NCKAP5: variants seen among roughly 807,000 people sequenced by gnomAD.
NCKAP5 encodes the protein NCK associated protein 5.
A neutral mutation model predicts 167.0 loss-of-function variants in NCKAP5; 92 were observed. The observed-to-expected ratio is 0.55, with a 90% CI of 0.47 to 0.66. The LOEUF (loss-of-function observed/expected upper bound fraction) is 0.66. Among genes scored for constraint, NCKAP5 ranks in the 30% least tolerant of loss-of-function variants. NCKAP5 has a pLI of 0.00. For synonymous variants in NCKAP5, 891 were observed against 877.4 expected, an observed-to-expected ratio of 1.02 and a Z score of -0.27; for missense variants, 2,378 against 2,315.0, an observed-to-expected ratio of 1.03 and a Z score of -0.56.
intron 3 of NCKAP5, among the ~76,000 whole-genome samples, chr2:133,457,299 G>C (rs2151218236): frequency 6.6e-6 from 1 of 152,194 alleles, no homozygotes; most frequent in African/African-American, 2.4e-5. Context: ...TTAAGATAAT[G>C]GCTTCCAGTG....
intron 3 of NCKAP5, among the ~76,000 whole-genome samples, chr2:133,478,178 G>T (rs760291064): frequency 1.3e-5 from 2 of 152,120 alleles, no homozygotes; most frequent in Non-Finnish European, 2.9e-5. Context: ...TTTAGATATT[G>T]TTCTCTATCA....
chr2:133,014,884 T>C (rs1383920486), intron 6 of NCKAP5, among the ~76,000 whole-genome samples: 4 of 152,210 alleles, frequency 2.6e-5, no homozygotes, highest in African/African-American at 9.6e-5. Flanking sequence ...TCTAAATGGG[T>C]AAATACATAA....
At chr2:132,823,868 T>C (rs1305465228) in intron 11 of NCKAP5, among the ~76,000 whole-genome samples, 1 of 151,992 alleles carries the variant, frequency 6.6e-6, no homozygotes, top group Non-Finnish European at 1.5e-5. Context: ...AAAAATATAC[T>C]CCATGCAGAT....
At chr2:133,090,514 G>A (rs1487230579) in intron 6 of NCKAP5, among the ~76,000 whole-genome samples, 1 of 152,040 alleles carries the variant, frequency 6.6e-6, no homozygotes, top group Non-Finnish European at 1.5e-5. Context: ...GAAGCTAAAA[G>A]AGGCAAAGAA....
intron 4 of NCKAP5, among the ~76,000 whole-genome samples, chr2:133,230,652 A>G (rs182582232): frequency 2.6e-5 from 4 of 152,252 alleles, no homozygotes; most frequent in Admixed American, 1.3e-4. Context: ...ACTCTTGCTG[A>G]CCCAAAGGCT....
At chr2:133,259,560 A>C (rs2088801310) in intron 4 of NCKAP5, among the ~76,000 whole-genome samples, 1 of 152,236 alleles carries the variant, frequency 6.6e-6, no homozygotes, top group Non-Finnish European at 1.5e-5. Context: ...AATGTAATTT[A>C]GCAGAGTGAC....
intron 6 of NCKAP5, chr2:133,123,542 AG>A: frequency 3.9e-6 from 1 of 257,140 alleles, no homozygotes; most frequent in African/African-American, 2.2e-5. Context: ...AGCAGATGAG[AG>A]GCCCCAATTT....
At chr2:132,979,413 C>T (rs577741036) in intron 7 of NCKAP5, among the ~76,000 whole-genome samples, 2 of 152,244 alleles carry the variant, frequency 1.3e-5, no homozygotes, top group African/African-American at 2.4e-5. Context: ...ACAGGGCCCA[C>T]CCCATGCCCT....
the NCKAP5 span, among the ~76,000 whole-genome samples, chr2:133,661,053 C>T: frequency 6.6e-6 from 1 of 151,784 alleles, no homozygotes; most frequent in East Asian, 1.9e-4. Flanking sequence ...CATTTCTAAA[C>T]ACTCATGACC....
At chr2:132,873,197 G>C (rs574355600) in intron 9 of NCKAP5, among the ~76,000 whole-genome samples, 2 of 151,358 alleles carry the variant, frequency 1.3e-5, no homozygotes, top group Admixed American at 6.6e-5. Flanking sequence ...TCTGCCTCCC[G>C]GGTTCACGCC....
chr2:133,383,467 T>A (rs1405571774), intron 3 of NCKAP5, among the ~76,000 whole-genome samples: 2 of 152,198 alleles, frequency 1.3e-5, no homozygotes, highest in African/African-American at 4.8e-5. Flanking sequence ...TCTATCATTG[T>A]TGGACATTTG....
At chr2:132,750,339 T>C (rs1489759095) in intron 16 of NCKAP5, among the ~76,000 whole-genome samples, 2 of 152,200 alleles carry the variant, frequency 1.3e-5, no homozygotes, top group African/African-American at 2.4e-5. Flanking sequence ...ATCAAGAATA[T>C]GTGTTGGTAT....
At chr2:132,746,490 A>G (rs1679656604) in intron 16 of NCKAP5, among the ~76,000 whole-genome samples, 1 of 152,172 alleles carries the variant, frequency 6.6e-6, no homozygotes, top group African/African-American at 2.4e-5. Context: ...AATTTCTTAA[A>G]TAGAGCAAGA....
chr2:133,208,276 T>C (rs2086051294), intron 5 of NCKAP5, among the ~76,000 whole-genome samples: 1 of 152,118 alleles, frequency 6.6e-6, no homozygotes, highest in African/African-American at 2.4e-5. Flanking sequence ...CAGGAGAGGC[T>C]GCAGAGAGCT....
At chr2:133,571,176 C>A (rs556871400), upstream of NCKAP5, among the ~76,000 whole-genome samples, 1 of 151,796 alleles carries the variant, frequency 6.6e-6, no homozygotes, top group African/African-American at 2.4e-5. Context: ...AAAAGGAAAG[C>A]ATAGCCCATG....
chr2:132,811,078 C>T (rs1035036955), intron 11 of NCKAP5, among the ~76,000 whole-genome samples: 23 of 152,292 alleles, frequency 1.5e-4, no homozygotes, highest in African/African-American at 5.5e-4. Context: ...CGACTCCAGA[C>T]AGGTACTGGG....
At chr2:133,209,133 G>A (rs1237514841) in intron 5 of NCKAP5, among the ~76,000 whole-genome samples, 1 of 151,762 alleles carries the variant, frequency 6.6e-6, no homozygotes, top group Non-Finnish European at 1.5e-5. Flanking sequence ...ATACTCTTGG[G>A]GTAGGATGGA....
At chr2:132,995,036 T>C (rs142969709) in intron 6 of NCKAP5, among the ~76,000 whole-genome samples, 166 of 152,236 alleles carry the variant, frequency 1.1e-3, no homozygotes, top group African/African-American at 4.0e-3. Context: ...TTGCCACGAA[T>C]GGAGCTCACA....
At chr2:133,010,079 AAAAT>A (rs1286966885) in intron 6 of NCKAP5, among the ~76,000 whole-genome samples, 45 of 150,998 alleles carry the variant, frequency 3.0e-4, no homozygotes, top group African/African-American at 1.0e-3. Flanking sequence ...TCAAAAAAAA[AAAAT>A]AAATAAATAA....
Sources: gnomAD v4.1 joint callset for allele counts (sites outside exome capture counted in the v4.1 genomes callset) on GRCh38, gnomAD v4.1.1 for gene constraint, MANE v1.5 for transcripts, NCBI Gene and HGNC (gene_info 2026-07-23, HGNC 2026-07-21) for gene names.